Variants in CPZ observed in about 807,000 individuals in gnomAD.
CPZ encodes carboxypeptidase Z.
CPZ carries 103 observed loss-of-function variants against 61.8 expected under a neutral mutation model. The ratio of observed to expected loss-of-function variants is 1.67; its 90% CI spans 1.42 to 1.96. The LOEUF is 1.96. Ranked by LOEUF, CPZ falls within the 30% of genes most tolerant of loss-of-function variation. CPZ has a pLI of 0.00. For synonymous variants in CPZ, 551 were observed against 373.7 expected (o/e 1.47, Z -5.47); for missense variants, 1,461 against 914.9 (o/e 1.60, Z -7.70).
At chr4:8,598,185 G>A (rs576600599) in intron 1 of CPZ, among the ~76,000 whole-genome samples, 23 of 152,330 alleles carry the variant, frequency 1.5e-4, no homozygotes, top group Middle Eastern at 6.8e-3. Context: ...TGCCCTAAAC[G>A]TCCCCATCCC....
intron 1 of CPZ, among the ~76,000 whole-genome samples, chr4:8,598,946 AGCCTGCGTGGCTGACTCTGGGAGGG>A (rs1714372800): frequency 6.6e-6 from 1 of 152,302 alleles, no homozygotes; most frequent in South Asian, 2.1e-4. Flanking sequence ...GGGGGCACGG[AGCCTGCGTGGCTGACTCTGGGAGGG>A]GCCTGGGTCT....
At position 8,592,822 on chromosome 4, in the gene CPZ, C is replaced by CGCCGCCCCACCAT; in HGVS notation, c.-3_10dup. The CGCCGCCCCACCAT allele has an allele frequency of 6.9e-7, 1 of 1,452,222 alleles. No homozygotes were observed. The highest frequency in any genetic ancestry group is 9.0e-7 in the Non-Finnish European group (1 of 1,108,070). 90.0% of individuals were successfully genotyped at this position (1,452,222 alleles called of 1,614,324 possible). On this transcript the variant is annotated 5_prime_UTR_variant, in exon 1 of 11. The change creates a new upstream start codon in the 5' untranslated region. Coordinates refer to ENST00000360986, the MANE Select transcript of CPZ (RefSeq NM_001014447.3). ...ATCACTGCGCTGGCCGTCCAAGGTC[C>CGCCGCCCCACCAT]GCCGCCCCACCATGCCGCCCCCGCT...
In CPZ at chr4:8,601,113, G is replaced by T; in HGVS notation, c.122-10G>T. 1 of 1,558,588 alleles carries T rather than the reference G, an allele frequency of 6.4e-7. No individual in the cohort carries two copies. The highest frequency in any genetic ancestry group is 1.3e-5 in the African/African-American group (1 of 74,108). The stretch of plus-strand genomic sequence containing the variant: ...CAGGAGGGACTGACCTGCCGACCCT[G>T]CCTCCCCAGCCACCTGCGTGGACCT... On this transcript the variant is annotated splice_polypyrimidine_tract_variant and intron_variant, in intron 2 of 10. Coordinates refer to ENST00000360986, the MANE Select transcript of CPZ (RefSeq NM_001014447.3).
At chr4:8,609,210 A>ACCCATTCACTCACTCC (rs1715389832) in intron 7 of CPZ, among the ~76,000 whole-genome samples, 1 of 47,024 alleles carries the variant, frequency 2.1e-5, no homozygotes. Context: ...TCACTCACTT[A>ACCCATTCACTCACTCC]CTCATTCACT....
rs191920653 is a variant in CPZ, at chr4:8,594,003, G to A, written c.88+1082G>A. ...TATCTAGAATCATAGGCTTGTTGGA[G>A]ACCACAGCCCCCTCCTCCAGGAAGC... On this transcript the variant is annotated intron_variant, in intron 1 of 10. Coordinates refer to ENST00000360986, the MANE Select transcript of CPZ (RefSeq NM_001014447.3). Among the ~76,000 whole-genome samples, 379 of 152,200 alleles carry A rather than the reference G, an allele frequency of 2.5e-3. 8 individuals carry two copies. The highest frequency in any genetic ancestry group is 3.4e-3 in the Non-Finnish European group (228 of 68,006).
chr4:8,605,262 A>G, intron 4 of CPZ, among the ~76,000 whole-genome samples: 1 of 151,376 alleles, frequency 6.6e-6, no homozygotes, highest in East Asian at 1.9e-4. Flanking sequence ...GCCTGCAGTC[A>G]CACAGCCAGT....
intron 1 of CPZ, among the ~76,000 whole-genome samples, chr4:8,596,706 A>G (rs1644287914): frequency 6.6e-6 from 1 of 152,226 alleles, no homozygotes; most frequent in Non-Finnish European, 1.5e-5. Context: ...GCAGTGGTTC[A>G]TCCTGGAGTC....
rs920099271 is a variant in CPZ at position 8,592,812 on chromosome 4, G to A, written c.-22G>A. The A allele has an allele frequency of 2.1e-6, 3 of 1,433,300 alleles. No individual in the cohort carries two copies. Among genetic ancestry groups the A allele is most frequent in the Non-Finnish European group, 1.8e-6 (2 of 1,097,834 alleles). 88.8% of individuals were successfully genotyped at this position (1,433,300 alleles called of 1,614,324 possible). A position where few individuals can be genotyped will look rare whatever the true frequency, so the allele number is the denominator to read the frequency against. On this transcript the variant is annotated 5_prime_UTR_variant, in exon 1 of 11. Transcript: ENST00000360986. ...CGAGTGCCACATCACTGCGCTGGCC[G>A]TCCAAGGTCCGCCGCCCCACCATGC...
Position 8,601,444 on chromosome 4 carries a change from G to T in CPZ, c.443G>T (p.Arg148Leu). Residue 148 changes from arginine (R) to leucine (L), a missense_variant, in exon 3 of 11, where the codon CGC becomes CTC. Physicochemically the swap from Arg to Leu is moderately radical, Grantham distance 102. Transcript: ENST00000360986. ...MAWPYFLDCH[R>L]YFTREDEGCY... ...TGGCCCTACTTCCTTGACTGCCACC[G>T]CTACTTCACGAGAGAGGACGAGGGC... is the stretch of plus-strand genomic sequence containing the variant. 1.3e-6 allele frequency: 2 copies of T among 1,544,874 alleles called. No individual in the cohort carries two copies. The highest frequency in any genetic ancestry group is 1.7e-4 in the Middle Eastern group (1 of 5,896).
At chr4:8,615,309 T>G (rs1672144848) in intron 9 of CPZ, among the ~76,000 whole-genome samples, 1 of 152,116 alleles carries the variant, frequency 6.6e-6, no homozygotes, top group African/African-American at 2.4e-5. Flanking sequence ...TCTGTGCCCA[T>G]GTCTGCTCCC....
intron 8 of CPZ, 147 bp from the exon 9 acceptor site, chr4:8,614,212 A>G (rs4696916): frequency 0.28 from 293,194 of 1,062,864 alleles, 44,566 homozygotes; most frequent in Non-Finnish European, 0.32. Context: ...CCTGCTGGGC[A>G]CTTGGCTGAC....
intron 9 of CPZ, among the ~76,000 whole-genome samples, chr4:8,616,515 G>A (rs761268875): frequency 6.0e-4 from 91 of 152,318 alleles, no homozygotes; most frequent in Admixed American, 1.3e-3. Context: ...CTGGGGCCGT[G>A]GGGCCCTGGG....
intron 3 of CPZ, 177 bp from the exon 4 acceptor site, chr4:8,603,799 G>T (rs1336639614): frequency 4.8e-6 from 3 of 625,734 alleles, no homozygotes; most frequent in South Asian, 1.9e-5. Flanking sequence ...CTCAGGTGCC[G>T]TTTGGCTTAG....
rs766772503 is a variant in CPZ at position 8,614,463 on chromosome 4, CACA to C, written c.1473_1475del (p.Asn491del). Reference sequence around the variant, plus strand: ...GGAGGCCCTGTACATACTCTGGCAGCACAACAAGGAGTCACTCCTGAATTTCGT... The same window carrying C: ...GGAGGCCCTGTACATACTCTGGCAGCACAAGGAGTCACTCCTGAATTTCGT... On this transcript the variant is annotated inframe_deletion, in exon 9 of 11. Coordinates refer to ENST00000360986, the MANE Select transcript of CPZ (RefSeq NM_001014447.3). 192 of 1,613,892 alleles carry C rather than the reference CACA, an allele frequency of 1.2e-4. 2 individuals carry two copies. Among genetic ancestry groups the C allele is most frequent in the Middle Eastern group, 8.3e-4 (5 of 6,060 alleles).
intron 9 of CPZ, among the ~76,000 whole-genome samples, chr4:8,615,984 C>T (rs146438297): frequency 1.2e-4 from 18 of 152,340 alleles, no homozygotes; most frequent in Middle Eastern, 3.4e-3. Flanking sequence ...TGAGCTCTCG[C>T]GCCAGGCCTG....
chr4:8,614,346 C>G lies in CPZ; in HGVS notation c.1364-13C>G, dbSNP rs766195608. 2.5e-6 allele frequency: 4 copies of G among 1,610,756 alleles called. No homozygotes were observed. In the Admixed American group the frequency reaches 5.0e-5, roughly 20 times the overall value. ...CTGACACCCCTGACGTCCCCGCTGT[C>G]TCTGTGCCACAGGCATGTCCGATTT... On this transcript the variant is annotated splice_polypyrimidine_tract_variant and intron_variant, in intron 8 of 10. Transcript: ENST00000360986.
At chr4:8,615,940 C>A (rs755974221) in intron 9 of CPZ, among the ~76,000 whole-genome samples, 8 of 152,234 alleles carry the variant, frequency 5.3e-5, no homozygotes, top group Non-Finnish European at 8.8e-5. Flanking sequence ...TGTGCCGCAG[C>A]CCTGCACCAC....
rs748204322 is a variant in CPZ, at chr4:8,601,233, G to C, written c.232G>C (p.Glu78Gln). 12 of 1,613,314 alleles carry C rather than the reference G, an allele frequency of 7.4e-6. No homozygotes were observed. The highest frequency in any genetic ancestry group is 1.1e-5 in the South Asian group (1 of 91,074). ...GTGGGAGGTGGTGGAGGCCAGCTCC[G>C]AGTACATCCTGCTGAGCGTTCTACA... ...RSWEVVEASS[E>Q]YILLSVLHQL... is the part of the protein sequence containing the mutation. The change falls in exon 3 of 11, where the codon GAG (glutamate) becomes CAG (glutamine). Residue 78 changes from glutamate to glutamine, a missense_variant. Glu to Gln is a conservative substitution (Grantham distance 29). Transcript: ENST00000360986.
intron 9 of CPZ, among the ~76,000 whole-genome samples, chr4:8,617,750 T>G (rs369625738): frequency 3.9e-5 from 6 of 152,260 alleles, no homozygotes; most frequent in Non-Finnish European, 7.4e-5. Flanking sequence ...TCAGCATCCT[T>G]GGACCCCACG....
Sources: allele counts gnomAD v4.1 joint callset (sites outside exome capture counted in the v4.1 genomes callset), GRCh38; gene constraint gnomAD v4.1.1; transcripts MANE v1.5; gene names NCBI Gene and HGNC (gene_info 2026-07-23, HGNC 2026-07-21).